GRB10: variants seen among roughly 807,000 people sequenced by gnomAD.
The protein encoded by GRB10 is growth factor receptor-bound protein 10.
A neutral mutation model predicts 80.9 loss-of-function variants in GRB10; 20 were observed. That is an observed-to-expected ratio of 0.25 (90% CI 0.17 to 0.36). The LOEUF (loss-of-function observed/expected upper bound fraction) is 0.36, where lower values mean the gene tolerates loss of function less well. Ranked by LOEUF, GRB10 falls within the 10% of genes least tolerant of loss-of-function variation. The pLI is 1.00. For synonymous variants in GRB10, 291 were observed against 291.5 expected, an observed-to-expected ratio of 1.00 and a Z score of 0.02; for missense variants, 548 against 747.7, an observed-to-expected ratio of 0.73 and a Z score of 3.12.
chr7:50,783,122 C>A (rs1562715292), upstream of GRB10, among the ~76,000 whole-genome samples: 1 of 152,250 alleles, frequency 6.6e-6, no homozygotes, highest in Non-Finnish European at 1.5e-5. Flanking sequence ...GCCGCATTCG[C>A]AGACAGGCGG....
At position 50,591,439 on chromosome 7, in the gene GRB10, A is replaced by G. The variant is rs2045836696; in HGVS notation, c.*1513T>C. The stretch of plus-strand genomic sequence containing the variant: ...ATCATGGCCAGCACACATTAATAGA[A>G]GCCAGGCAGGTGTTGTCTTGAAAAA... On this transcript the variant is annotated 3_prime_UTR_variant, in exon 19 of 19. Transcript: ENST00000401949. 6.6e-6 allele frequency: 1 copy of G among 152,286 alleles called. No individual in the cohort carries two copies. The highest frequency in any genetic ancestry group is 1.5e-5 in the Non-Finnish European group (1 of 68,108). The allele number at this position is 152,286 out of a possible 1,614,324, so 9.4% of individuals were successfully genotyped here. A position where few individuals can be genotyped will look rare whatever the true frequency, so the allele number is the denominator to read the frequency against.
At chr7:50,652,286 T>C (rs1012327291) in intron 7 of GRB10, among the ~76,000 whole-genome samples, 3 of 152,168 alleles carry the variant, frequency 2.0e-5, no homozygotes, top group Non-Finnish European at 2.9e-5. Context: ...ACCTGAGACC[T>C]GGTGGGCTGG....
intron 3 of GRB10, among the ~76,000 whole-genome samples, chr7:50,746,830 T>C (rs1411305062): frequency 1.3e-5 from 2 of 152,142 alleles, no homozygotes; most frequent in East Asian, 1.9e-4. Context: ...GGCCTGTCCC[T>C]GCGTGAGCCA....
chr7:50,776,072 A>G (rs918120260), intron 2 of GRB10, among the ~76,000 whole-genome samples: 4 of 152,144 alleles, frequency 2.6e-5, no homozygotes, highest in Non-Finnish European at 5.9e-5. Flanking sequence ...TTCTTCCATT[A>G]TCTTGATGAA....
intron 7 of GRB10, among the ~76,000 whole-genome samples, chr7:50,628,665 G>T (rs2053454946): frequency 6.6e-6 from 1 of 152,152 alleles, no homozygotes; most frequent in Admixed American, 6.5e-5. Context: ...CCAGCCAGGG[G>T]AGCCTGCACT....
chr7:50,680,580 C>T (rs1407015402), intron 5 of GRB10, among the ~76,000 whole-genome samples: 1 of 152,224 alleles, frequency 6.6e-6, no homozygotes, highest in Admixed American at 6.5e-5. Flanking sequence ...AGTCTCCACT[C>T]CGACTCCCAG....
intron 5 of GRB10, among the ~76,000 whole-genome samples, chr7:50,689,290 G>C (rs1280746537): frequency 6.6e-6 from 1 of 152,214 alleles, no homozygotes; most frequent in Non-Finnish European, 1.5e-5. Context: ...TGGTATGCAA[G>C]TAGATTAGAA....
intron 7 of GRB10, among the ~76,000 whole-genome samples, chr7:50,637,160 A>C (rs2055207237): frequency 6.6e-6 from 1 of 152,034 alleles, no homozygotes; most frequent in South Asian, 2.1e-4. Context: ...TTTGTACTTT[A>C]GAGATGAGGT....
intron 7 of GRB10, 145 bp downstream of exon 7, chr7:50,669,577 G>A (rs1203882782): frequency 2.4e-5 from 19 of 795,906 alleles, no homozygotes; most frequent in Non-Finnish European, 3.8e-5. Context: ...AGGACAACAA[G>A]TACTGTGACA....
chr7:50,668,711 C>A (rs146768674), intron 7 of GRB10, among the ~76,000 whole-genome samples: 131 of 152,392 alleles, frequency 8.6e-4, no homozygotes, highest in African/African-American at 3.1e-3. Context: ...ATCACCTCCA[C>A]CCCTAGGGGT....
At chr7:50,718,779 T>A (rs757033791) in intron 4 of GRB10, among the ~76,000 whole-genome samples, 45 of 152,160 alleles carry the variant, frequency 3.0e-4, no homozygotes, top group Non-Finnish European at 2.5e-4. Context: ...AGGTTGCCAT[T>A]CACAGCTCTC....
At chr7:50,720,242 A>G (rs1420753709) in intron 4 of GRB10, among the ~76,000 whole-genome samples, 1 of 152,256 alleles carries the variant, frequency 6.6e-6, no homozygotes, top group Admixed American at 6.5e-5. Flanking sequence ...AATGTTAATA[A>G]TTCATATCAC....
At chr7:50,659,447 C>G (rs2058996221) in intron 7 of GRB10, among the ~76,000 whole-genome samples, 1 of 152,294 alleles carries the variant, frequency 6.6e-6, no homozygotes, top group Admixed American at 6.5e-5. Flanking sequence ...AAAACATGTC[C>G]TGGCCACCCT....
chr7:50,612,877 A>G (rs2049833895), intron 12 of GRB10, 38 bp from the exon 13 acceptor site: 1 of 1,398,108 alleles, frequency 7.2e-7, no homozygotes, highest in Non-Finnish European at 1.0e-6. Context: ...AGTGTTACAC[A>G]GGGAGTCAGA....
intron 10 of GRB10, among the ~76,000 whole-genome samples, chr7:50,616,583 G>A (rs1028058252): frequency 6.6e-6 from 1 of 152,138 alleles, no homozygotes; most frequent in Admixed American, 6.5e-5. Context: ...GTGATAACAC[G>A]AGTCATGAAT....
At chr7:50,788,757 T>A (rs1048455715) in intron 1 of GRB10, among the ~76,000 whole-genome samples, 3 of 152,170 alleles carry the variant, frequency 2.0e-5, no homozygotes, top group Admixed American at 6.5e-5. Context: ...CGGAGCCACA[T>A]CCCAGGGGCA....
chr7:50,719,535 C>T (rs1368497524), intron 4 of GRB10, among the ~76,000 whole-genome samples: 11 of 64,732 alleles, frequency 1.7e-4, no homozygotes, highest in African/African-American at 4.4e-4. Context: ...GGGTAGGGGG[C>T]GAGGGGAGGG....
chr7:50,660,528 C>T (rs2059150898), intron 7 of GRB10, among the ~76,000 whole-genome samples: 1 of 152,114 alleles, frequency 6.6e-6, no homozygotes. Flanking sequence ...TCCAGAGATG[C>T]TGCCACACAT....
At chr7:50,696,358 A>G (rs2063422281) in intron 5 of GRB10, among the ~76,000 whole-genome samples, 1 of 152,228 alleles carries the variant, frequency 6.6e-6, no homozygotes, top group African/African-American at 2.4e-5. Flanking sequence ...TGCTTTACAG[A>G]CGCCTCTTTC....
Sources: allele counts gnomAD v4.1 joint callset (sites outside exome capture counted in the v4.1 genomes callset), GRCh38; gene constraint gnomAD v4.1.1; transcripts MANE v1.5; gene names NCBI Gene and HGNC (gene_info 2026-07-23, HGNC 2026-07-21).